The following EXT1 variants were observed in gnomAD, a reference collection of about 807,000 sequenced individuals.
EXT1 encodes exostosin glycosyltransferase 1.
EXT1 carries 20 observed loss-of-function variants against 82.5 expected under a neutral mutation model. The ratio of observed to expected loss-of-function variants is 0.24; its 90% CI spans 0.17 to 0.35. The LOEUF is 0.35. EXT1 is among the 10% of genes least tolerant of loss of function. The pLI is 1.00. For missense variants in EXT1, 757 were observed against 936.5 expected, an observed-to-expected ratio of 0.81 and a Z score of 2.50; for synonymous variants, 348 against 350.8, an observed-to-expected ratio of 0.99 and a Z score of 0.09.
At chr8:117,982,710 T>C (rs2129770122) in intron 1 of EXT1, among the ~76,000 whole-genome samples, 1 of 152,250 alleles carries the variant, frequency 6.6e-6, no homozygotes, top group South Asian at 2.1e-4. Context: ...TGGCCAGGTC[T>C]TGAACTCCTG....
chr8:117,955,313 C>T (rs551298994), intron 1 of EXT1, among the ~76,000 whole-genome samples: 1 of 152,292 alleles, frequency 6.6e-6, no homozygotes, highest in Non-Finnish European at 1.5e-5. Context: ...TTTCCAGCCC[C>T]TCTCTCCTCC....
chr8:117,892,473 G>A (rs1265263706), intron 1 of EXT1, among the ~76,000 whole-genome samples: 1 of 152,226 alleles, frequency 6.6e-6, no homozygotes, highest in Non-Finnish European at 1.5e-5. Context: ...GGAGACTGCT[G>A]AGGAAGAAGA....
chr8:117,809,245 T>TATATATATATATATATGTATATATA (rs1563874289), intron 8 of EXT1, among the ~76,000 whole-genome samples: 22 of 66,070 alleles, frequency 3.3e-4, no homozygotes, highest in African/African-American at 8.3e-4. Flanking sequence ...ATATATATAT[T>TATATATATATATATATGTATATATA]ATGTTCTATT....
chr8:117,880,887 G>A (rs774306334), intron 1 of EXT1, among the ~76,000 whole-genome samples: 36 of 151,998 alleles, frequency 2.4e-4, no homozygotes, highest in African/African-American at 3.4e-4. Context: ...CACCGTGCCC[G>A]GCCTGTTTTG....
chr8:117,863,833 C>T (rs549998156), intron 1 of EXT1, among the ~76,000 whole-genome samples: 37 of 152,206 alleles, frequency 2.4e-4, no homozygotes, highest in African/African-American at 8.2e-4. Flanking sequence ...TAAGAAGCCC[C>T]GCAGAGCCCA....
chr8:118,026,555 C>A (rs1238166537), intron 1 of EXT1, among the ~76,000 whole-genome samples: 1 of 152,136 alleles, frequency 6.6e-6, no homozygotes, highest in South Asian at 2.1e-4. Context: ...TCATCATCAA[C>A]ATCTGGGGTA....
At chr8:118,083,433 A>G (rs1429356053) in intron 1 of EXT1, among the ~76,000 whole-genome samples, 1 of 152,216 alleles carries the variant, frequency 6.6e-6, no homozygotes, top group Admixed American at 6.5e-5. Context: ...ACCAGTCACC[A>G]TAAGTGTTTA....
chr8:118,071,244 G>A (rs1209302707), intron 1 of EXT1, among the ~76,000 whole-genome samples: 2 of 152,046 alleles, frequency 1.3e-5, no homozygotes, highest in Non-Finnish European at 2.9e-5. Context: ...ATAAATAATT[G>A]TGCCAGTGCC....
intron 1 of EXT1, among the ~76,000 whole-genome samples, chr8:118,030,765 A>AACC (rs1478228064): frequency 1.3e-5 from 2 of 152,164 alleles, no homozygotes; most frequent in African/African-American, 4.8e-5. Context: ...TACAGGCATG[A>AACC]ACCACCGTGC....
chr8:117,845,348 C>T (rs191479174), intron 1 of EXT1, among the ~76,000 whole-genome samples: 1 of 152,258 alleles, frequency 6.6e-6, no homozygotes, highest in Admixed American at 6.5e-5. Flanking sequence ...AATCTCTTAT[C>T]AACTCTAAAC....
At position 117,835,557 on chromosome 8, in the gene EXT1, C is replaced by CA. The variant is rs775982542; in HGVS notation, c.1057-7dup. On this transcript the variant is annotated splice_region_variant and splice_polypyrimidine_tract_variant and intron_variant, in intron 2 of 10. Coordinates refer to ENST00000378204, the MANE Select transcript of EXT1 (RefSeq NM_000127.3). ...ATCACAGGGACGCAGGCAGCCTGAGCAAAAAAGGGGACTTCGTGAATGTGA... is the reference window on the plus strand; with the variant it reads ...ATCACAGGGACGCAGGCAGCCTGAGCAAAAAAAGGGGACTTCGTGAATGTGA... The CA allele has an allele frequency of 1.5e-4, 234 of 1,604,080 alleles. No individual in the cohort carries two copies. The highest frequency in any genetic ancestry group is 2.0e-4 in the Non-Finnish European group (231 of 1,172,880).
rs73327871 is a variant in EXT1 at position 118,082,041 on chromosome 8, G to A, written c.962+28044C>T. On this transcript the variant is annotated intron_variant, in intron 1 of 10. Transcript: ENST00000378204. The stretch of plus-strand genomic sequence containing the variant: ...GGAGTGTGATTAACAGTATAAAAAC[G>A]ATCAAGTCCTGCGGCCACAATCATG... 7.6e-3 allele frequency among the ~76,000 whole-genome samples: 1,157 copies of A among 152,212 alleles called. 19 individuals carry two copies. Among genetic ancestry groups the A allele is most frequent in the African/African-American group, 0.026 (1,095 of 41,518 alleles).
chr8:118,098,209 G>T (rs1817654447), intron 1 of EXT1, among the ~76,000 whole-genome samples: 1 of 152,172 alleles, frequency 6.6e-6, no homozygotes, highest in African/African-American at 2.4e-5. Context: ...AATGTGTGCA[G>T]GAAGTGTGCC....
intron 1 of EXT1, among the ~76,000 whole-genome samples, chr8:117,915,908 T>C (rs1007819195): frequency 1.6e-5 from 2 of 125,114 alleles, no homozygotes; most frequent in African/African-American, 5.2e-5. Flanking sequence ...AGTCACTCTT[T>C]GTGATAAAGT....
chr8:117,871,720 T>A (rs1812876245), intron 1 of EXT1, among the ~76,000 whole-genome samples: 1 of 152,142 alleles, frequency 6.6e-6, no homozygotes, highest in Non-Finnish European at 1.5e-5. Context: ...CTAAATGCAC[T>A]GGTGAGACAG....
rs142415144 is a variant in EXT1, at chr8:117,928,524, T to C, written c.963-91323A>G. ...TTAAAATCTTCAATAGTTTTTATCT[T>C]TCAAGGAAAGAATGCTGTTCTGATA... On this transcript the variant is annotated intron_variant, in intron 1 of 10. Transcript: ENST00000378204. 6.2e-3 allele frequency among the ~76,000 whole-genome samples: 949 copies of C among 152,322 alleles called. 12 individuals are homozygous for C. The highest frequency in any genetic ancestry group is 0.021 in the African/African-American group (858 of 41,574).
intron 1 of EXT1, among the ~76,000 whole-genome samples, chr8:117,878,134 C>T (rs996025554): frequency 6.6e-6 from 1 of 152,096 alleles, no homozygotes. Context: ...CTTAGCCAGG[C>T]GTGGTGGCAG....
chr8:117,864,815 G>A (rs1729337082), intron 1 of EXT1, among the ~76,000 whole-genome samples: 1 of 151,104 alleles, frequency 6.6e-6, no homozygotes, highest in African/African-American at 2.4e-5. Context: ...TTATGAATTT[G>A]TGTTGGGCCA....
intron 1 of EXT1, among the ~76,000 whole-genome samples, chr8:118,070,129 T>C (rs961568494): frequency 2.0e-5 from 3 of 152,158 alleles, no homozygotes; most frequent in African/African-American, 7.2e-5. Flanking sequence ...GTAACACCGA[T>C]GGTGCGTTTT....
Sources: gnomAD v4.1 joint callset for allele counts (sites outside exome capture counted in the v4.1 genomes callset) on GRCh38, gnomAD v4.1.1 for gene constraint, MANE v1.5 for transcripts, NCBI Gene and HGNC (gene_info 2026-07-23, HGNC 2026-07-21) for gene names.